The following MAF variants were observed in gnomAD, a reference collection of about 807,000 sequenced individuals.
MAF encodes transcription factor Maf.
In MAF, 10 loss-of-function variants were observed where a neutral mutation model predicts 22.0. The observed-to-expected ratio is 0.45, with a 90% CI of 0.28 to 0.77. The LOEUF is 0.77. Among genes scored for constraint, MAF ranks in the 30% least tolerant of loss-of-function variants. The pLI, the probability that MAF is intolerant of heterozygous loss-of-function variation, is 0.12. For missense variants in MAF, 544 were observed against 548.4 expected, an observed-to-expected ratio of 0.99 and a Z score of 0.08; for synonymous variants, 337 against 255.8, an observed-to-expected ratio of 1.32 and a Z score of -3.03.
chr16:79,471,540 G>A, the MAF span, among the ~76,000 whole-genome samples: 1 of 152,196 alleles, frequency 6.6e-6, no homozygotes, highest in Non-Finnish European at 1.5e-5. Flanking sequence ...AGTTGGGCAT[G>A]GTGGTGCACA....
chr16:79,441,463 G>A, the MAF span, among the ~76,000 whole-genome samples: 4 of 152,244 alleles, frequency 2.6e-5, no homozygotes, highest in African/African-American at 9.6e-5. Context: ...TGCTGTTGAA[G>A]TGTGAAAGTG....
the MAF span, among the ~76,000 whole-genome samples, chr16:79,370,961 G>C: frequency 1.3e-5 from 2 of 152,136 alleles, no homozygotes; most frequent in East Asian, 3.8e-4. Flanking sequence ...CTCAAGACTT[G>C]GTGGCTTAAA....
At chr16:79,579,515 T>G in the MAF span, among the ~76,000 whole-genome samples, 3 of 152,140 alleles carry the variant, frequency 2.0e-5, no homozygotes, top group Non-Finnish European at 4.4e-5. Context: ...ATACCAAACT[T>G]TGATTATAAA....
the MAF span, among the ~76,000 whole-genome samples, chr16:79,482,855 C>CCTCCCTCCCTCTCCTCCT: frequency 9.7e-5 from 11 of 113,730 alleles, no homozygotes; most frequent in African/African-American, 4.0e-4. Flanking sequence ...CCTCCCCTCC[C>CCTCCCTCCCTCTCCTCCT]CTCCCTCCCT....
chr16:79,530,951 A>G, the MAF span, among the ~76,000 whole-genome samples: 9 of 152,170 alleles, frequency 5.9e-5, no homozygotes, highest in African/African-American at 2.2e-4. Context: ...CTGGGTGGGG[A>G]GAGGCCCAAA....
chr16:79,312,213 C>A, the MAF span, among the ~76,000 whole-genome samples: 8 of 152,118 alleles, frequency 5.3e-5, no homozygotes, highest in Admixed American at 5.2e-4. Flanking sequence ...AGTTGACATT[C>A]CTCCATCATG....
chr16:79,275,594 G>T, the MAF span, among the ~76,000 whole-genome samples: 3 of 152,204 alleles, frequency 2.0e-5, no homozygotes, highest in African/African-American at 4.8e-5. Flanking sequence ...CTCTTCAGCA[G>T]ATTGTCTTGG....
At chr16:79,425,051 C>G in the MAF span, among the ~76,000 whole-genome samples, 3 of 152,072 alleles carry the variant, frequency 2.0e-5, no homozygotes, top group African/African-American at 7.2e-5. Context: ...CACAAACATA[C>G]TCTACACAAT....
downstream of MAF, among the ~76,000 whole-genome samples, chr16:79,583,388 T>G (rs1031285901): frequency 1.3e-5 from 2 of 152,166 alleles, no homozygotes; most frequent in Non-Finnish European, 2.9e-5. Context: ...GATGGGTACT[T>G]AAGGCCCAGG....
chr16:79,511,485 A>G, the MAF span, among the ~76,000 whole-genome samples: 1 of 152,180 alleles, frequency 6.6e-6, no homozygotes, highest in Non-Finnish European at 1.5e-5. Flanking sequence ...ATCTTAACTG[A>G]CAATAAAAAC....
chr16:79,573,957 G>A, the MAF span, among the ~76,000 whole-genome samples: 1 of 152,194 alleles, frequency 6.6e-6, no homozygotes, highest in African/African-American at 2.4e-5. Flanking sequence ...TCGTTTGCCT[G>A]TTTGTGTACC....
chr16:79,329,637 T>G, the MAF span, among the ~76,000 whole-genome samples: 1 of 152,136 alleles, frequency 6.6e-6, no homozygotes, highest in Non-Finnish European at 1.5e-5. Flanking sequence ...TCTTCCCCCA[T>G]CTGAATAACC....
the MAF span, among the ~76,000 whole-genome samples, chr16:79,454,140 T>C: frequency 6.6e-6 from 1 of 152,190 alleles, no homozygotes; most frequent in African/African-American, 2.4e-5. Flanking sequence ...TAGGGATGAA[T>C]ACATTAAGAT....
chr16:79,333,446 G>A, the MAF span, among the ~76,000 whole-genome samples: 356 of 152,264 alleles, frequency 2.3e-3, 3 homozygotes, highest in African/African-American at 8.3e-3. Context: ...AGGCCAAAAC[G>A]ATACGACGGA....
the MAF span, among the ~76,000 whole-genome samples, chr16:79,250,011 A>G: frequency 6.6e-6 from 1 of 152,226 alleles, no homozygotes; most frequent in Non-Finnish European, 1.5e-5. Context: ...CTGGCCTCCT[A>G]CATTAACTGA....
At chr16:79,457,295 A>C in the MAF span, among the ~76,000 whole-genome samples, 1 of 151,982 alleles carries the variant, frequency 6.6e-6, no homozygotes, top group Non-Finnish European at 1.5e-5. Context: ...AATTTGCACC[A>C]TACTTTGACA....
At chr16:79,271,829 G>A in the MAF span, among the ~76,000 whole-genome samples, 1 of 152,212 alleles carries the variant, frequency 6.6e-6, no homozygotes, top group Non-Finnish European at 1.5e-5. Context: ...GGAGCTTGGT[G>A]GCACCACCAG....
At chr16:79,474,942 A>G in the MAF span, among the ~76,000 whole-genome samples, 3 of 152,246 alleles carry the variant, frequency 2.0e-5, no homozygotes, top group Non-Finnish European at 4.4e-5. Flanking sequence ...AAATGTGTGC[A>G]TTAATCCAAC....
chr16:79,515,342 C>T, the MAF span, among the ~76,000 whole-genome samples: 127,037 of 152,186 alleles, frequency 0.83, 53,300 homozygotes, highest in East Asian at 0.92. Flanking sequence ...GACTTTACTA[C>T]GGTGTGAAAG....
Sources: gnomAD v4.1 joint callset for allele counts (sites outside exome capture counted in the v4.1 genomes callset) on GRCh38, gnomAD v4.1.1 for gene constraint, MANE v1.5 for transcripts, NCBI Gene and HGNC (gene_info 2026-07-23, HGNC 2026-07-21) for gene names.